The following CREB5 variants were observed in gnomAD, a reference collection of about 807,000 sequenced individuals.
CREB5 encodes the protein cAMP responsive element binding protein 5.
A neutral mutation model predicts 57.1 loss-of-function variants in CREB5; 19 were observed. The observed-to-expected ratio is 0.33, with a 90% CI of 0.23 to 0.49. The LOEUF (loss-of-function observed/expected upper bound fraction) is 0.49, where lower values mean the gene tolerates loss of function less well. Ranked by LOEUF, CREB5 falls within the 20% of genes least tolerant of loss-of-function variation. CREB5 has a pLI of 0.99. For missense variants in CREB5, 579 were observed against 671.6 expected (o/e 0.86, Z 1.52); for synonymous variants, 238 against 238.3 (o/e 1.00, Z 0.01).
chr7:28,639,076 G>A lies in CREB5; in HGVS notation c.464+68539G>A, dbSNP rs139801460. Among the ~76,000 whole-genome samples, 1,090 of 152,246 alleles carry A rather than the reference G, an allele frequency of 7.2e-3. 9 individuals carry two copies. Among genetic ancestry groups the A allele is most frequent in the African/African-American group, 0.024 (1,008 of 41,538 alleles). On this transcript the variant is annotated intron_variant, in intron 5 of 10. Transcript: ENST00000357727. ...TGCATACCTGGCCCAGTTGTTCCAC[G>A]CCACACTTCATGAATGCTTTGTAGT...
rs1395767512 is a variant in CREB5 at position 28,560,969 on chromosome 7, T to TGCGTGCGTGCGC, written c.292-9395_292-9394insCGTGCGTGCGCG. Among the ~76,000 whole-genome samples the TGCGTGCGTGCGC allele has an allele frequency of 2.8e-4, 7 of 24,956 alleles. 1 individual carries two copies. The highest frequency in any genetic ancestry group is 1.6e-3 in the East Asian group (1 of 624). 16.4% of individuals were successfully genotyped at this position (24,956 alleles called of 152,430 possible). A position where few individuals can be genotyped will look rare whatever the true frequency, so the allele number is the denominator to read the frequency against. ...GTGTGTGCGTGTGTGTGCGTGTGTG[T>TGCGTGCGTGCGC]GTGCGTGTGTGCGTGCGTGTGTGTG... is the stretch of plus-strand genomic sequence containing the variant. On this transcript the variant is annotated intron_variant, in intron 4 of 10. Transcript: ENST00000357727.
chr7:28,774,255 GTAGTAGTC>G (rs1457569798), intron 7 of CREB5, among the ~76,000 whole-genome samples: 1 of 152,148 alleles, frequency 6.6e-6, no homozygotes, highest in Non-Finnish European at 1.5e-5. Context: ...GCTACTGCAG[GTAGTAGTC>G]TAGACAGAGC....
chr7:28,746,572 C>T (rs1036296478), intron 7 of CREB5, among the ~76,000 whole-genome samples: 12 of 152,202 alleles, frequency 7.9e-5, no homozygotes, highest in African/African-American at 2.7e-4. Context: ...TTAAGAGATT[C>T]TGTCCAAAGA....
intron 1 of CREB5, among the ~76,000 whole-genome samples, chr7:28,471,459 T>C (rs1790801893): frequency 6.6e-6 from 1 of 152,144 alleles, no homozygotes; most frequent in Non-Finnish European, 1.5e-5. Flanking sequence ...AAAACCATGC[T>C]CTTTCGGTTA....
intron 7 of CREB5, among the ~76,000 whole-genome samples, chr7:28,776,286 C>G (rs550898409): frequency 3.4e-5 from 5 of 147,624 alleles, no homozygotes; most frequent in Non-Finnish European, 5.9e-5. Context: ...TACAATGAGC[C>G]GAGATAGCGC....
At chr7:28,638,298 C>CACGA (rs1554278732) in intron 5 of CREB5, among the ~76,000 whole-genome samples, 29 of 149,736 alleles carry the variant, frequency 1.9e-4, no homozygotes, top group African/African-American at 5.7e-4. Flanking sequence ...CACACACGAA[C>CACGA]ACACACACAC....
chr7:28,534,799 G>A (rs11766695), intron 4 of CREB5, among the ~76,000 whole-genome samples: 54,905 of 139,458 alleles, frequency 0.39, 16,251 homozygotes, highest in East Asian at 0.58. Context: ...TGAGGTACAC[G>A]CTATTATGTC....
intron 5 of CREB5, among the ~76,000 whole-genome samples, chr7:28,616,587 C>G (rs1797604054): frequency 6.6e-6 from 1 of 152,050 alleles, no homozygotes; most frequent in South Asian, 2.1e-4. Context: ...TTGACTCAAC[C>G]TCTGGCACCT....
At chr7:28,793,673 G>T (rs766167625) in intron 7 of CREB5, among the ~76,000 whole-genome samples, 3 of 152,226 alleles carry the variant, frequency 2.0e-5, no homozygotes, top group Non-Finnish European at 4.4e-5. Flanking sequence ...AGGGCTTGGG[G>T]GAGGATCTGC....
intron 4 of CREB5, among the ~76,000 whole-genome samples, chr7:28,560,245 G>A (rs758633872): frequency 6.6e-6 from 1 of 152,236 alleles, no homozygotes; most frequent in South Asian, 2.1e-4. Flanking sequence ...TCTAGGCCTG[G>A]GGCATGTACA....
chr7:28,474,386 G>A (rs572851126), intron 1 of CREB5, among the ~76,000 whole-genome samples: 1 of 152,284 alleles, frequency 6.6e-6, no homozygotes, highest in Admixed American at 6.5e-5. Flanking sequence ...GATGTGCCCC[G>A]TGGGGCTGTG....
At chr7:28,615,764 C>T (rs2128681091) in intron 5 of CREB5, 1 of 152,456 alleles carries the variant, frequency 6.6e-6, no homozygotes, top group East Asian at 1.9e-4. Flanking sequence ...GCATGGTGAC[C>T]CAGAACCACT....
chr7:28,492,770 A>G (rs188838925), intron 2 of CREB5, among the ~76,000 whole-genome samples: 355 of 149,046 alleles, frequency 2.4e-3, no homozygotes, highest in Non-Finnish European at 4.1e-3. Flanking sequence ...ATAAAATATA[A>G]TATTTTTATA....
intron 4 of CREB5, among the ~76,000 whole-genome samples, chr7:28,519,450 C>T (rs891237800): frequency 6.6e-6 from 1 of 152,178 alleles, no homozygotes; most frequent in Non-Finnish European, 1.5e-5. Flanking sequence ...AGTATAACTA[C>T]CTGCTGCCCT....
chr7:28,662,468 T>C (rs927964086), intron 5 of CREB5, among the ~76,000 whole-genome samples: 3 of 152,326 alleles, frequency 2.0e-5, no homozygotes, highest in Middle Eastern at 3.4e-3. Flanking sequence ...TGGCGGTGGT[T>C]AAACTTGGCC....
chr7:28,409,563 G>A (rs537841252), upstream of CREB5: 101 of 179,420 alleles, frequency 5.6e-4, 2 homozygotes, highest in South Asian at 9.5e-3. This position sits in a 1 kb window ranked among gnomAD's most constrained non-coding sequence, Gnocchi z 4.4. Context: ...AGGTTACTTG[G>A]TCCAGTGGGC....
At chr7:28,389,888 C>T (rs1397655776) in intron 1 of CREB5, among the ~76,000 whole-genome samples, 1 of 152,084 alleles carries the variant, frequency 6.6e-6, no homozygotes, top group Non-Finnish European at 1.5e-5. Context: ...TGGAACTCGG[C>T]ATCGATAACA....
chr7:28,499,154 A>G (rs1349312029), intron 3 of CREB5, among the ~76,000 whole-genome samples: 3 of 133,494 alleles, frequency 2.2e-5, no homozygotes, highest in Non-Finnish European at 3.1e-5. Context: ...AGTTCTTTAT[A>G]GGGTTCCTGG....
chr7:28,574,935 G>A (rs963747216), intron 5 of CREB5, among the ~76,000 whole-genome samples: 1 of 152,174 alleles, frequency 6.6e-6, no homozygotes, highest in Non-Finnish European at 1.5e-5. Flanking sequence ...GCATGGGGCT[G>A]TAGCTAGACA....
Sources: gnomAD v4.1 joint callset for allele counts (sites outside exome capture counted in the v4.1 genomes callset) on GRCh38, gnomAD v4.1.1 for gene constraint, Gnocchi (gnomAD v3.1) non-coding constraint, MANE v1.5 for transcripts, NCBI Gene and HGNC (gene_info 2026-07-23, HGNC 2026-07-21) for gene names.